QRFPR: variants seen among roughly 807,000 people sequenced by gnomAD.
QRFPR encodes pyroglutamylated RF-amide peptide receptor.
Under a neutral mutation model 31.3 loss-of-function variants are expected in QRFPR, and 37 were observed. The observed-to-expected ratio is 1.18, with a 90% CI of 0.91 to 1.56. QRFPR has a LOEUF of 1.56. QRFPR is among the 40% of genes most tolerant of loss of function. The pLI is 0.00. For synonymous variants in QRFPR, 197 were observed against 192.0 expected (o/e 1.03, Z -0.22); for missense variants, 542 against 532.5 (o/e 1.02, Z -0.18).
chr4:121,333,676 G>GTACTATT (rs1267157816), intron 3 of QRFPR, among the ~76,000 whole-genome samples: 2 of 152,066 alleles, frequency 1.3e-5, no homozygotes, highest in African/African-American at 2.4e-5. Context: ...TGGTTTATTC[G>GTACTATT]TACTATTTCT....
intron 1 of QRFPR, among the ~76,000 whole-genome samples, chr4:121,380,009 T>C (rs1579596385): frequency 6.6e-6 from 1 of 151,906 alleles, no homozygotes; most frequent in Non-Finnish European, 1.5e-5. Flanking sequence ...CCGAAGCTTT[T>C]CCCCAACCTA....
At chr4:121,331,194 TTTTTTTTTG>T (rs1165402851) in intron 4 of QRFPR, among the ~76,000 whole-genome samples, 1 of 141,676 alleles carries the variant, frequency 7.1e-6, no homozygotes, top group African/African-American at 2.6e-5. Context: ...TTTTTTTTTT[TTTTTTTTTG>T]AGACAAGGTC....
intron 1 of QRFPR, among the ~76,000 whole-genome samples, chr4:121,342,386 C>T (rs1016160083): frequency 5.3e-5 from 8 of 152,156 alleles, no homozygotes; most frequent in Admixed American, 2.0e-4. Flanking sequence ...GAGCCAATCC[C>T]TCATAATTAA....
chr4:121,333,167 C>A (rs2110466846), intron 3 of QRFPR, 111 bp from the exon 4 acceptor site: 1 of 672,292 alleles, frequency 1.5e-6, no homozygotes, highest in East Asian at 2.7e-5. Flanking sequence ...AAATTTGTCC[C>A]CAGCACGTAT....
intron 1 of QRFPR, among the ~76,000 whole-genome samples, chr4:121,353,063 C>T (rs1725794873): frequency 6.6e-6 from 1 of 152,060 alleles, no homozygotes; most frequent in Admixed American, 6.6e-5. Context: ...CTTTTTATGG[C>T]TGAATAATAT....
chr4:121,329,308 T>C lies in QRFPR; in HGVS notation c.*6A>G. The stretch of plus-strand genomic sequence containing the variant: ...AAGGGCATTAATTATGAAGATATTG[T>C]TATAATTAATGCCCACTGTCTAAAG... On this transcript the variant is annotated 3_prime_UTR_variant, in exon 6 of 6. Transcript: ENST00000394427. The C allele has an allele frequency of 1.9e-6, 3 of 1,588,622 alleles. No individual in the cohort carries two copies. The South Asian group carries it at 3.5e-5, about 18-fold the overall frequency.
At chr4:121,348,272 A>G (rs1248583673) in intron 1 of QRFPR, among the ~76,000 whole-genome samples, 1 of 152,240 alleles carries the variant, frequency 6.6e-6, no homozygotes, top group Non-Finnish European at 1.5e-5. Context: ...ATGAGAAAAC[A>G]AGCCTACTGT....
chr4:121,331,233 G>A (rs113334103), intron 4 of QRFPR, among the ~76,000 whole-genome samples: 13,295 of 126,166 alleles, frequency 0.11, 639 homozygotes, highest in Middle Eastern at 0.14. Context: ...TGCCCAGGCT[G>A]TAGAGGAGTG....
At chr4:121,351,628 G>A (rs1216475021) in intron 1 of QRFPR, among the ~76,000 whole-genome samples, 4 of 152,040 alleles carry the variant, frequency 2.6e-5, no homozygotes, top group Admixed American at 2.0e-4. Context: ...CCATCATGAA[G>A]TAATAATGGA....
chr4:121,353,145 C>T (rs901352849), intron 1 of QRFPR, among the ~76,000 whole-genome samples: 1 of 152,036 alleles, frequency 6.6e-6, no homozygotes, highest in Non-Finnish European at 1.5e-5. Context: ...GATTCCATAT[C>T]TTGGCTATTG....
intron 1 of QRFPR, among the ~76,000 whole-genome samples, chr4:121,349,269 C>T (rs1256680267): frequency 1.3e-5 from 2 of 151,966 alleles, no homozygotes; most frequent in Non-Finnish European, 2.9e-5. Context: ...GTGCCTTTTA[C>T]ATTTGGCAAC....
intron 1 of QRFPR, among the ~76,000 whole-genome samples, chr4:121,350,938 A>T (rs1725750795): frequency 6.6e-6 from 1 of 152,186 alleles, no homozygotes; most frequent in Non-Finnish European, 1.5e-5. Context: ...TTCTATGATT[A>T]ACCATTTCTT....
intron 1 of QRFPR, among the ~76,000 whole-genome samples, chr4:121,379,742 A>G (rs1278437878): frequency 6.6e-6 from 1 of 152,170 alleles, no homozygotes; most frequent in African/African-American, 2.4e-5. Context: ...GGACTAGTTC[A>G]ATATATTTTT....
chr4:121,332,875 C>G lies in QRFPR; in HGVS notation c.743G>C (p.Gly248Ala), dbSNP rs745501370. Reference sequence around the variant, plus strand: ...AATAGTTCGAAGCACTGAACCATCCCCAACTCTTTTCTTTATCCAAAGTTC... The same window carrying G: ...AATAGTTCGAAGCACTGAACCATCCGCAACTCTTTTCTTTATCCAAAGTTC... Reference protein sequence around the residue: ...GYELWIKKRVGDGSVLRTIHG... With the variant: ...GYELWIKKRVADGSVLRTIHG... Residue 248 changes from glycine (G) to alanine (A), a missense_variant, in exon 4 of 6, where the codon GGG becomes GCG. By Grantham distance (60) the Gly-to-Ala change is moderately conservative (BLOSUM62 0). Coordinates refer to ENST00000394427, the MANE Select transcript of QRFPR (RefSeq NM_198179.3). 56 of 1,614,002 alleles carry G rather than the reference C, an allele frequency of 3.5e-5. No individual in the cohort carries two copies. The highest frequency in any genetic ancestry group is 2.3e-5 in the Non-Finnish European group (27 of 1,180,008).
intron 3 of QRFPR, among the ~76,000 whole-genome samples, chr4:121,336,227 C>T (rs969617145): frequency 2.0e-5 from 3 of 152,196 alleles, no homozygotes; most frequent in Non-Finnish European, 1.5e-5. Flanking sequence ...CCCTAACAGA[C>T]AGGCTGGGCT....
chr4:121,330,606 G>T, intron 4 of QRFPR, 83 bp from the exon 5 acceptor site: 1 of 972,438 alleles, frequency 1.0e-6, no homozygotes, highest in Non-Finnish European at 1.6e-6. Context: ...TAAAGTCTGA[G>T]CTTAGTTCAC....
Position 121,380,538 on chromosome 4 carries a change from G to A in QRFPR, c.110C>T (p.Thr37Ile), listed in dbSNP as rs1323030146. ...ALYRLRPLVY[T>I]PELPGRAKLA... ...CTTGGCGCGTCCCGGCAGCTCTGGG[G>A]TGTAGACGAGCGGTCGCAGCCGGTA... Residue 37 changes from threonine to isoleucine, a missense_variant, in exon 1 of 6, where the codon ACC becomes ATC. Thr to Ile is a moderately conservative substitution (Grantham distance 89). Coordinates refer to ENST00000394427, the MANE Select transcript of QRFPR (RefSeq NM_198179.3). The A allele has an allele frequency of 6.2e-7, 1 of 1,612,538 alleles. No individual in the cohort carries two copies. The highest frequency in any genetic ancestry group is 8.5e-7 in the Non-Finnish European group (1 of 1,179,320).
At chr4:121,370,967 C>T (rs1221583468) in intron 1 of QRFPR, among the ~76,000 whole-genome samples, 5 of 152,150 alleles carry the variant, frequency 3.3e-5, no homozygotes, top group Admixed American at 6.5e-5. Context: ...TCTCCTTGGT[C>T]TTCTAATAGG....
chr4:121,329,409 A>G lies in QRFPR; in HGVS notation c.1201T>C (p.Cys401Arg), dbSNP rs762047277. The change falls in exon 6 of 6, where the codon TGT becomes CGT. Residue 401 changes from cysteine (C) to arginine (R), a missense_variant. Transcript: ENST00000394427. ...FSDGNIEVKL[C>R]EQTEEKKKLK... ...TTTTTCTTCTCCTCTGTCTGTTCAC[A>G]CAATTTGACTTCAATGTTGCCATCA... is the stretch of plus-strand genomic sequence containing the variant. 1 of 1,614,122 alleles carries G rather than the reference A, an allele frequency of 6.2e-7. No homozygotes were observed. The highest frequency in any genetic ancestry group is 8.5e-7 in the Non-Finnish European group (1 of 1,179,990).
Sources: gnomAD v4.1 joint callset for allele counts (sites outside exome capture counted in the v4.1 genomes callset) on GRCh38, gnomAD v4.1.1 for gene constraint, MANE v1.5 for transcripts, NCBI Gene and HGNC (gene_info 2026-07-23, HGNC 2026-07-21) for gene names.